TEX9: variants seen among roughly 807,000 people sequenced by gnomAD.
TEX9 encodes the protein testis-expressed protein 9.
A neutral mutation model predicts 59.6 loss-of-function variants in TEX9; 74 were observed. The observed-to-expected ratio is 1.24, with a 90% CI of 1.03 to 1.51. The LOEUF is 1.51. Among genes scored for constraint, TEX9 ranks in the 40% most tolerant of loss-of-function variants. TEX9 has a pLI of 0.00. For synonymous variants in TEX9, 186 were observed against 152.2 expected (o/e 1.22, Z -1.64); for missense variants, 522 against 447.8 (o/e 1.17, Z -1.49).
intron 1 of TEX9, among the ~76,000 whole-genome samples, chr15:56,277,943 G>T (rs2044714314): frequency 6.6e-6 from 1 of 152,014 alleles, no homozygotes; most frequent in East Asian, 1.9e-4. Flanking sequence ...CCTCTTGAGG[G>T]ACCAACACTA....
intron 12 of TEX9, chr15:56,434,235 A>C (rs1192673461): frequency 3.7e-6 from 6 of 1,613,968 alleles, no homozygotes; most frequent in Non-Finnish European, 5.1e-6. Context: ...AGCATTCATT[A>C]ATTCTATTCG....
At chr15:56,251,582 G>A (rs1395565027) in intron 1 of TEX9, among the ~76,000 whole-genome samples, 1 of 152,124 alleles carries the variant, frequency 6.6e-6, no homozygotes, top group Non-Finnish European at 1.5e-5. Context: ...AAAAACAGTA[G>A]CTGAAAGATA....
At chr15:56,349,638 C>G (rs1486699983) in intron 1 of TEX9, among the ~76,000 whole-genome samples, 1 of 152,032 alleles carries the variant, frequency 6.6e-6, no homozygotes. Context: ...TCATAAAATG[C>G]CTGTTCTTGG....
chr15:56,335,576 A>G (rs912529141), intron 1 of TEX9, among the ~76,000 whole-genome samples: 1 of 152,182 alleles, frequency 6.6e-6, no homozygotes, highest in Non-Finnish European at 1.5e-5. Context: ...AAATAAGACA[A>G]TATTTGCTAG....
At chr15:56,371,350 T>G (rs2047182760) in intron 2 of TEX9, among the ~76,000 whole-genome samples, 1 of 152,234 alleles carries the variant, frequency 6.6e-6, no homozygotes, top group Admixed American at 6.5e-5. Flanking sequence ...CCTTGAGTTC[T>G]TAATTTCAGT....
intron 3 of TEX9, among the ~76,000 whole-genome samples, chr15:56,381,825 A>G (rs76922337): frequency 0.036 from 5,459 of 152,234 alleles, 138 homozygotes; most frequent in Middle Eastern, 0.071. Flanking sequence ...ACAGTACTGG[A>G]TGTTGCCCAC....
chr15:56,309,567 G>T (rs1426133236), intron 1 of TEX9, among the ~76,000 whole-genome samples: 1 of 151,984 alleles, frequency 6.6e-6, no homozygotes, highest in Non-Finnish European at 1.5e-5. Flanking sequence ...GGTAATGAAT[G>T]AATTGGCAAG....
intron 1 of TEX9, among the ~76,000 whole-genome samples, chr15:56,265,168 T>C (rs1019886634): frequency 2.0e-5 from 3 of 151,102 alleles, no homozygotes; most frequent in Non-Finnish European, 3.0e-5. Flanking sequence ...TCTTTCTTTT[T>C]TTTTTTTTTT....
At chr15:56,247,831 GA>G (rs1199432637) in intron 1 of TEX9, among the ~76,000 whole-genome samples, 1 of 152,120 alleles carries the variant, frequency 6.6e-6, no homozygotes, top group African/African-American at 2.4e-5. Context: ...TTCCCAACTT[GA>G]ATATAAAAAT....
chr15:56,309,906 A>C (rs2045571166), intron 1 of TEX9, among the ~76,000 whole-genome samples: 1 of 151,930 alleles, frequency 6.6e-6, no homozygotes, highest in South Asian at 2.1e-4. Flanking sequence ...GGAGGTGGGC[A>C]CTGGGAGAAG....
At chr15:56,308,169 G>A (rs1445045057) in intron 1 of TEX9, among the ~76,000 whole-genome samples, 2 of 152,118 alleles carry the variant, frequency 1.3e-5, no homozygotes, top group Non-Finnish European at 2.9e-5. Context: ...CAAAGCAGCT[G>A]CACTATTTTA....
intron 9 of TEX9, among the ~76,000 whole-genome samples, chr15:56,407,287 A>G (rs1262806968): frequency 6.6e-6 from 1 of 152,098 alleles, no homozygotes; most frequent in Non-Finnish European, 1.5e-5. Flanking sequence ...ATTCTGTTAT[A>G]TTGATATATG....
chr15:56,265,395 A>G (rs2713932), intron 1 of TEX9, among the ~76,000 whole-genome samples: 16,047 of 151,410 alleles, frequency 0.11, 1,506 homozygotes, highest in East Asian at 0.47. Context: ...CTGGTCTCGA[A>G]CTCCTGGCCT....
upstream of TEX9, among the ~76,000 whole-genome samples, chr15:56,362,923 A>T (rs2046816645): frequency 6.6e-6 from 1 of 152,242 alleles, no homozygotes. Flanking sequence ...GTATACATGT[A>T]CTTCATTCTT....
chr15:56,346,762 GC>G (rs1210805671), intron 1 of TEX9, among the ~76,000 whole-genome samples: 6 of 152,010 alleles, frequency 3.9e-5, no homozygotes, highest in African/African-American at 1.5e-4. Context: ...GAAATTAAAC[GC>G]ATAAAAATCT....
At chr15:56,291,228 C>G (rs1205470518) in intron 1 of TEX9, among the ~76,000 whole-genome samples, 1 of 152,102 alleles carries the variant, frequency 6.6e-6, no homozygotes, top group Non-Finnish European at 1.5e-5. Flanking sequence ...AGAGATGTTG[C>G]AAGTCTGAGT....
At chr15:56,259,882 TG>T (rs1412327029) in intron 1 of TEX9, among the ~76,000 whole-genome samples, 1 of 152,064 alleles carries the variant, frequency 6.6e-6, no homozygotes, top group Non-Finnish European at 1.5e-5. Context: ...TCCATGAACA[TG>T]GTATATCTAT....
chr15:56,381,635 A>G (rs570350153), intron 3 of TEX9, among the ~76,000 whole-genome samples: 1 of 152,320 alleles, frequency 6.6e-6, no homozygotes, highest in East Asian at 1.9e-4. Flanking sequence ...GGTCTTGGAT[A>G]AGATCTGAAA....
At chr15:56,446,088 T>G (rs2050899816), downstream of TEX9, 1 of 152,038 alleles carries the variant, frequency 6.6e-6, no homozygotes, top group African/African-American at 2.4e-5. Context: ...CTATTCTTAA[T>G]TGATACCCAT....
Sources: gnomAD v4.1 joint callset for allele counts (sites outside exome capture counted in the v4.1 genomes callset) on GRCh38, gnomAD v4.1.1 for gene constraint, MANE v1.5 for transcripts, NCBI Gene and HGNC (gene_info 2026-07-23, HGNC 2026-07-21) for gene names.